PRTN3: variants seen among roughly 807,000 people sequenced by gnomAD.
The protein encoded by PRTN3 is proteinase 3.
PRTN3 carries 22 observed loss-of-function variants against 20.7 expected under a neutral mutation model. That is an observed-to-expected ratio of 1.06 (90% CI 0.76 to 1.52). The LOEUF (loss-of-function observed/expected upper bound fraction) is 1.52, where lower values mean the gene tolerates loss of function less well. Ranked by LOEUF, PRTN3 falls within the 40% of genes most tolerant of loss-of-function variation. The probability of loss-of-function intolerance (pLI) is 0.00; values close to 1 mark genes in which losing one functional copy is unlikely to be tolerated. For missense variants in PRTN3, 378 were observed against 359.6 expected (o/e 1.05, Z -0.41); for synonymous variants, 173 against 152.9 (o/e 1.13, Z -0.97).
rs758532746 is a variant in PRTN3 at position 847,783 on chromosome 19, C to T, written c.601-16C>T. On this transcript the variant is annotated splice_polypyrimidine_tract_variant and intron_variant, in intron 4 of 4. Transcript: ENST00000234347. ...AGGTGGCCCCTGATGGGTGACTGGC[C>T]GTCCCTGTCCTCCAGGGAGACTCAG... 40 of 1,599,830 alleles carry T rather than the reference C, an allele frequency of 2.5e-5. No individual in the cohort carries two copies. The highest frequency in any genetic ancestry group is 1.2e-4 in the Admixed American group (7 of 58,806).
At chr19:844,780 A>C (rs1352390861) in intron 3 of PRTN3, among the ~76,000 whole-genome samples, 1 of 151,418 alleles carries the variant, frequency 6.6e-6, no homozygotes, top group Admixed American at 6.6e-5. Flanking sequence ...GTGGCTTAGA[A>C]CGGGACTGGG....
chr19:846,647 A>T (rs1450963435), intron 4 of PRTN3, among the ~76,000 whole-genome samples: 1 of 152,156 alleles, frequency 6.6e-6, no homozygotes, highest in African/African-American at 2.4e-5. Flanking sequence ...ATCCGCCCTC[A>T]CCGGCGGCCC....
At chr19:841,194 A>C in intron 1 of PRTN3, 125 bp downstream of exon 1, 3 of 1,279,554 alleles carry the variant, frequency 2.3e-6, no homozygotes, top group Non-Finnish European at 3.2e-6. Context: ...GGGTCAGGGG[A>C]GACTCCACTC....
At position 848,073 on chromosome 19, in the gene PRTN3, G is replaced by C; in HGVS notation, c.*104G>C. ...TCTTCCCCGAACACTGTGGCGTCCGGGACGGCCCCACCCGTCCCCCCACAC... is the reference window on the plus strand; with the variant it reads ...TCTTCCCCGAACACTGTGGCGTCCGCGACGGCCCCACCCGTCCCCCCACAC... On this transcript the variant is annotated 3_prime_UTR_variant, in exon 5 of 5. Transcript: ENST00000234347. The C allele has an allele frequency of 7.1e-7, 1 of 1,399,334 alleles. No homozygotes were observed. Among genetic ancestry groups the C allele is most frequent in the Non-Finnish European group, 9.5e-7 (1 of 1,047,544 alleles). 86.7% of individuals were successfully genotyped at this position (1,399,334 alleles called of 1,614,324 possible). A position where few individuals can be genotyped will look rare whatever the true frequency, so the allele number is the denominator to read the frequency against.
chr19:848,149 C>T lies in PRTN3; in HGVS notation c.*180C>T, dbSNP rs1019434674. On this transcript the variant is annotated 3_prime_UTR_variant, in exon 5 of 5. Transcript: ENST00000234347. ...AGGCCGGCCCTGCACCTCACCCCAC[C>T]GTGACCTCAATAAACGTTGAAACTC... is the stretch of plus-strand genomic sequence containing the variant. The T allele has an allele frequency of 2.2e-5, 16 of 719,612 alleles. No individual in the cohort carries two copies. The highest frequency in any genetic ancestry group is 2.7e-5 in the East Asian group (1 of 36,414). 44.6% of individuals were successfully genotyped at this position (719,612 alleles called of 1,614,324 possible). A position where few individuals can be genotyped will look rare whatever the true frequency, so the allele number is the denominator to read the frequency against.
At chr19:841,217 C>A in intron 1 of PRTN3, 148 bp downstream of exon 1, 2 of 1,097,844 alleles carry the variant, frequency 1.8e-6, no homozygotes, top group South Asian at 1.5e-5. Context: ...TGCTCGGGAC[C>A]AACGCTTGCA....
At chr19:843,198 G>A in intron 1 of PRTN3, 1 of 500,114 alleles carries the variant, frequency 2.0e-6, no homozygotes, top group Non-Finnish European at 3.5e-6. Context: ...TTACAGGCGT[G>A]AGCCACTGCA....
chr19:842,445 A>C (rs1457680002), intron 1 of PRTN3, among the ~76,000 whole-genome samples: 1 of 78,956 alleles, frequency 1.3e-5, no homozygotes, highest in Non-Finnish European at 2.2e-5. Context: ...TTTGAGACAG[A>C]ATCTCACTCT....
At chr19:845,224 A>G (rs1161659933) in intron 3 of PRTN3, among the ~76,000 whole-genome samples, 1 of 151,888 alleles carries the variant, frequency 6.6e-6, no homozygotes, top group Non-Finnish European at 1.5e-5. Flanking sequence ...CTGGGATTAT[A>G]GGAGAGAGCC....
In PRTN3 at chr19:841,045, G is replaced by A. The variant is rs200595564; in HGVS notation, c.37G>A (p.Val13Met). The A allele has an allele frequency of 2.6e-4, 412 of 1,607,870 alleles. 3 individuals are homozygous for A. In the Middle Eastern group the frequency reaches 3.1e-3, roughly 12 times the overall value. ...GCCCCCCAGCCCTGCCCTGGCGTCC[G>A]TGCTGCTGGCCTTGCTGCTGAGCGG... ...HRPPSPALAS[V>M]LLALLLSGAA... The change falls in exon 1 of 5, where the codon GTG becomes ATG. Residue 13 changes from valine to methionine, a missense_variant. Transcript: ENST00000234347.
intron 2 of PRTN3, 93 bp downstream of exon 2, chr19:843,719 G>A (rs1232952346): frequency 6.8e-7 from 1 of 1,477,072 alleles, no homozygotes; most frequent in Admixed American, 2.2e-5. Flanking sequence ...GGAGGACCCA[G>A]CTAAGCCCCG....
intron 2 of PRTN3, 76 bp from the exon 3 acceptor site, chr19:843,817 G>C: frequency 1.3e-6 from 2 of 1,500,374 alleles, no homozygotes; most frequent in Non-Finnish European, 8.9e-7. Context: ...GGGCTGCACC[G>C]CGGCCTCGGG....
intron 1 of PRTN3, among the ~76,000 whole-genome samples, chr19:842,846 C>T (rs1176337239): frequency 6.6e-6 from 1 of 152,072 alleles, no homozygotes; most frequent in African/African-American, 2.4e-5. Context: ...CCTCGGCCTC[C>T]CAAAGTATTG....
chr19:842,412 G>A (rs1218286664), intron 1 of PRTN3, among the ~76,000 whole-genome samples: 48 of 77,392 alleles, frequency 6.2e-4, no homozygotes, highest in African/African-American at 2.7e-3. Flanking sequence ...CTGCGCCCAG[G>A]ATTTTTTTTT....
Position 842,413 on chromosome 19 carries a change from A to ATTTTTTTTTTTTTTT in PRTN3, c.62-1038_62-1024dup, listed in dbSNP as rs34047197. Among the ~76,000 whole-genome samples, 8 of 39,420 alleles carry ATTTTTTTTTTTTTTT rather than the reference A, an allele frequency of 2.0e-4. 2 individuals are homozygous for ATTTTTTTTTTTTTTT. Among genetic ancestry groups the ATTTTTTTTTTTTTTT allele is most frequent in the African/African-American group, 7.4e-4 (5 of 6,792 alleles). 25.9% of individuals were successfully genotyped at this position (39,420 alleles called of 152,430 possible). On this transcript the variant is annotated intron_variant, in intron 1 of 4. Coordinates refer to ENST00000234347, the MANE Select transcript of PRTN3 (RefSeq NM_002777.4). The stretch of plus-strand genomic sequence containing the variant: ...TCAGGCATGAGCCACTGCGCCCAGG[A>ATTTTTTTTTTTTTTT]TTTTTTTTTTTTTTTTTTTTTTTTG...
rs2035468610 is a variant in PRTN3, at chr19:843,355, T to C, written c.62-106T>C. ...CACCAGCCAGCAGGCACTGACCGGG[T>C]TGCAGATCGGGAGACGGAGGCTCGG... On this transcript the variant is annotated intron_variant, in intron 1 of 4. Coordinates refer to ENST00000234347, the MANE Select transcript of PRTN3 (RefSeq NM_002777.4). 12 of 1,242,810 alleles carry C rather than the reference T, an allele frequency of 9.7e-6. No homozygotes were observed. In the South Asian group the frequency reaches 1.9e-4, roughly 20 times the overall value. 77.0% of individuals were successfully genotyped at this position (1,242,810 alleles called of 1,614,324 possible).
In PRTN3 at chr19:844,179, C is replaced by T. The variant is rs928997156; in HGVS notation, c.369+145C>T. 169 of 1,088,958 alleles carry T rather than the reference C, an allele frequency of 1.6e-4. No homozygotes were observed. The African/African-American group carries it at 2.2e-3, about 14-fold the overall frequency. 67.5% of individuals were successfully genotyped at this position (1,088,958 alleles called of 1,614,324 possible). Reference sequence around the variant, plus strand: ...GCAGCCTGGGTCCAGTGGCACTGGCCGGGGGAGACCGCTCCTTGGACACCA... The same window carrying T: ...GCAGCCTGGGTCCAGTGGCACTGGCTGGGGGAGACCGCTCCTTGGACACCA... On this transcript the variant is annotated intron_variant, in intron 3 of 4. Coordinates refer to ENST00000234347, the MANE Select transcript of PRTN3 (RefSeq NM_002777.4).
chr19:843,687 C>A (rs2301878), intron 2 of PRTN3, 61 bp downstream of exon 2: 2 of 1,518,438 alleles, frequency 1.3e-6, no homozygotes, highest in Non-Finnish European at 1.8e-6. Context: ...AGCCCTGGCC[C>A]GGCCACTGTC....
chr19:848,132 C>G lies in PRTN3; in HGVS notation c.*163C>G, dbSNP rs554197007. The G allele has an allele frequency of 3.6e-6, 3 of 839,256 alleles. No homozygotes were observed. In the South Asian group the frequency reaches 5.4e-5, roughly 15 times the overall value. The allele number at this position is 839,256 out of a possible 1,614,324, so 52.0% of individuals were successfully genotyped here. ...ACGGGGCTCCGGGAGACAGGCCGGC[C>G]CTGCACCTCACCCCACCGTGACCTC... On this transcript the variant is annotated 3_prime_UTR_variant, in exon 5 of 5. Transcript: ENST00000234347.
Sources: allele counts gnomAD v4.1 joint callset (sites outside exome capture counted in the v4.1 genomes callset), GRCh38; gene constraint gnomAD v4.1.1; transcripts MANE v1.5; gene names NCBI Gene and HGNC (gene_info 2026-07-23, HGNC 2026-07-21).